The following CNTN5 variants were observed in gnomAD, a reference collection of about 807,000 sequenced individuals.
CNTN5 encodes the protein contactin 5.
CNTN5 carries 77 observed loss-of-function variants against 129.1 expected under a neutral mutation model. The ratio of observed to expected loss-of-function variants is 0.60; its 90% CI spans 0.50 to 0.72. The LOEUF is 0.72. Among genes scored for constraint, CNTN5 ranks in the 30% least tolerant of loss-of-function variants. CNTN5 has a pLI of 0.00. For missense variants in CNTN5, 1,478 were observed against 1,328.8 expected, an observed-to-expected ratio of 1.11 and a Z score of -1.75; for synonymous variants, 509 against 465.6, an observed-to-expected ratio of 1.09 and a Z score of -1.20.
At chr11:100,286,826 C>G (rs1299232053) in intron 18 of CNTN5, among the ~76,000 whole-genome samples, 2 of 149,402 alleles carry the variant, frequency 1.3e-5, no homozygotes, top group Admixed American at 6.7e-5. Flanking sequence ...GGAGGACATT[C>G]AAACCAAAGG....
intron 13 of CNTN5, among the ~76,000 whole-genome samples, chr11:100,106,834 T>G (rs1374865512): frequency 6.6e-6 from 1 of 152,106 alleles, no homozygotes; most frequent in Non-Finnish European, 1.5e-5. Context: ...GACATGATAT[T>G]TATATAAAAT....
intron 1 of CNTN5, among the ~76,000 whole-genome samples, chr11:99,114,847 C>G (rs532203922): frequency 1.3e-5 from 2 of 152,212 alleles, no homozygotes; most frequent in South Asian, 4.1e-4. Context: ...GTGTTATAGA[C>G]TAAACATTTG....
intron 1 of CNTN5, among the ~76,000 whole-genome samples, chr11:99,288,404 G>C (rs1864031728): frequency 6.6e-6 from 1 of 151,820 alleles, no homozygotes; most frequent in African/African-American, 2.4e-5. Context: ...TTAGTCTACT[G>C]ATATTAAAAG....
At chr11:99,393,358 G>C (rs1941361923) in intron 2 of CNTN5, among the ~76,000 whole-genome samples, 1 of 151,816 alleles carries the variant, frequency 6.6e-6, no homozygotes. Flanking sequence ...ATTAAAGAGT[G>C]TTCATTTGAT....
rs371127519 is a variant in CNTN5 at position 99,206,159 on chromosome 11, A to T, written c.-209-119187A>T. 3.9e-5 allele frequency among the ~76,000 whole-genome samples: 6 copies of T among 152,142 alleles called. No homozygotes were observed. In the East Asian group the frequency reaches 1.2e-3, roughly 29 times the overall value. ...CTCTCCACTTTTAACTAATATGAAT[A>T]TACCTAATTTGGGTTTCCTTTGGGA... On this transcript the variant is annotated intron_variant, in intron 1 of 24. Transcript: ENST00000524871.
At chr11:99,885,214 C>T (rs1054519551) in intron 6 of CNTN5, among the ~76,000 whole-genome samples, 1 of 151,708 alleles carries the variant, frequency 6.6e-6, no homozygotes, top group Non-Finnish European at 1.5e-5. Context: ...CCAGGGAGGT[C>T]GAGTTTCCAG....
At chr11:99,134,835 G>A (rs1327863167) in intron 1 of CNTN5, among the ~76,000 whole-genome samples, 1 of 152,186 alleles carries the variant, frequency 6.6e-6, no homozygotes, top group Non-Finnish European at 1.5e-5. Context: ...CTAATGACAT[G>A]TGAATGATTA....
chr11:99,481,610 A>G (rs981855578), intron 2 of CNTN5, among the ~76,000 whole-genome samples: 1 of 152,174 alleles, frequency 6.6e-6, no homozygotes, highest in Admixed American at 6.5e-5. Flanking sequence ...ATTACCTACA[A>G]ATTCATTATC....
chr11:99,062,349 C>A (rs552740431), intron 1 of CNTN5, among the ~76,000 whole-genome samples: 17 of 152,046 alleles, frequency 1.1e-4, no homozygotes, highest in Non-Finnish European at 2.1e-4. Context: ...TTAGATATAG[C>A]GGCCTACCTG....
intron 2 of CNTN5, among the ~76,000 whole-genome samples, chr11:99,351,938 A>AT (rs1938327024): frequency 2.0e-5 from 3 of 152,334 alleles, no homozygotes; most frequent in South Asian, 2.1e-4. Context: ...GGGTTATAAG[A>AT]TTTTTTATTC....
At chr11:100,282,494 C>A in intron 18 of CNTN5, among the ~76,000 whole-genome samples, 1 of 152,214 alleles carries the variant, frequency 6.6e-6, no homozygotes, top group Non-Finnish European at 1.5e-5. Flanking sequence ...CATAAGTACC[C>A]TGGTGGCCAC....
intron 1 of CNTN5, among the ~76,000 whole-genome samples, chr11:99,300,756 C>T: frequency 6.6e-6 from 1 of 151,844 alleles, no homozygotes. Context: ...TGACATGAAA[C>T]AGCAGTAGAT....
intron 1 of CNTN5, among the ~76,000 whole-genome samples, chr11:99,073,244 G>A (rs4281456): frequency 0.39 from 59,219 of 151,762 alleles, 11,890 homozygotes; most frequent in East Asian, 0.54. Flanking sequence ...CCCAAAGGGA[G>A]ATGGTTGAGT....
Position 99,660,371 on chromosome 11 carries a change from G to T in CNTN5, c.55+104102G>T, listed in dbSNP as rs1381862100. ...AAGATTACAAATTGGCCTGAGGAAA[G>T]TTTTAGGGTTGATGAATATGTTCAT... On this transcript the variant is annotated intron_variant, in intron 3 of 24. Coordinates refer to ENST00000524871, the MANE Select transcript of CNTN5 (RefSeq NM_014361.4). Among the ~76,000 whole-genome samples, 4 of 152,112 alleles carry T rather than the reference G, an allele frequency of 2.6e-5. No homozygotes were observed. In the East Asian group the frequency reaches 7.7e-4, roughly 29 times the overall value.
chr11:99,949,341 T>A (rs1479213320), intron 7 of CNTN5, among the ~76,000 whole-genome samples: 1 of 152,156 alleles, frequency 6.6e-6, no homozygotes, highest in Non-Finnish European at 1.5e-5. Flanking sequence ...CTCCACAGCC[T>A]TTCAGTAGTT....
intron 3 of CNTN5, among the ~76,000 whole-genome samples, chr11:99,771,387 CAT>C (rs1944940491): frequency 6.6e-6 from 1 of 151,866 alleles, no homozygotes; most frequent in Admixed American, 6.6e-5. Context: ...TACATACATA[CAT>C]ATACACACAT....
At chr11:99,310,421 AAC>A (rs1865059366) in intron 1 of CNTN5, among the ~76,000 whole-genome samples, 1 of 151,258 alleles carries the variant, frequency 6.6e-6, no homozygotes, top group Admixed American at 6.7e-5. Context: ...TTATCAATAA[AAC>A]ACTCTTAAAT....
intron 2 of CNTN5, among the ~76,000 whole-genome samples, chr11:99,354,364 A>G (rs1220157883): frequency 4.6e-5 from 7 of 152,156 alleles, no homozygotes; most frequent in African/African-American, 1.7e-4. Context: ...TTGGTCATCA[A>G]TTAAGAGTTC....
intron 1 of CNTN5, among the ~76,000 whole-genome samples, chr11:99,109,204 T>G (rs935105401): frequency 2.0e-5 from 3 of 151,804 alleles, no homozygotes; most frequent in African/African-American, 7.2e-5. Flanking sequence ...ATATATCTAG[T>G]CATATATATA....
Sources: gnomAD v4.1 joint callset for allele counts (sites outside exome capture counted in the v4.1 genomes callset) on GRCh38, gnomAD v4.1.1 for gene constraint, MANE v1.5 for transcripts, NCBI Gene and HGNC (gene_info 2026-07-23, HGNC 2026-07-21) for gene names.